PCNX3: variants seen among roughly 807,000 people sequenced by gnomAD.
PCNX3 encodes pecanex-like protein 3.
A neutral mutation model predicts 207.2 loss-of-function variants in PCNX3; 58 were observed. The observed-to-expected ratio is 0.28, with a 90% CI of 0.23 to 0.35. The LOEUF (loss-of-function observed/expected upper bound fraction) is 0.35. Among genes scored for constraint, PCNX3 ranks in the 10% least tolerant of loss-of-function variants. The pLI, the probability that PCNX3 is intolerant of heterozygous loss-of-function variation, is 1.00. For synonymous variants in PCNX3, 1,337 were observed against 1,183.5 expected (o/e 1.13, Z -2.66); for missense variants, 2,410 against 2,774.4 (o/e 0.87, Z 2.95).
At position 65,634,573 on chromosome 11, in the gene PCNX3, G is replaced by T; in HGVS notation, c.4737G>T (p.Thr1579=). 2 of 1,604,210 alleles carry T rather than the reference G, an allele frequency of 1.2e-6. No individual in the cohort carries two copies. Among genetic ancestry groups the T allele is most frequent in the South Asian group, 1.1e-5 (1 of 89,702 alleles). ...VDQDWNSPLV[T]LCFGLCVLGR... is the part of the protein sequence containing the mutation. ...AGGATTGGAACTCCCCGCTGGTCAC[G>T]CTGTGTTTTGGCCTGTGTGTGCTGG... Residue 1579 remains threonine, a synonymous_variant, in exon 29 of 35, where the codon ACG becomes ACT. Transcript: ENST00000355703.
Position 65,636,821 on chromosome 11 carries a change from C to G in PCNX3, c.5948C>G (p.Thr1983Ser). The change falls in exon 35 of 35, where the codon ACT becomes AGT. Residue 1983 changes from threonine to serine, a missense_variant. By Grantham distance (58) the Thr-to-Ser change is moderately conservative. Coordinates refer to ENST00000355703, the MANE Select transcript of PCNX3 (RefSeq NM_032223.4). ...CTCAGCCTCAGCCCCGATGTCAGCA[C>G]TGAGGCCTCACCCCCCAGAGCTTCC... ...LSLSLSPDVS[T>S]EASPPRASQD... The G allele has an allele frequency of 6.4e-7, 1 of 1,551,074 alleles. No individual in the cohort carries two copies. The highest frequency in any genetic ancestry group is 8.7e-7 in the Non-Finnish European group (1 of 1,146,964).
Position 65,629,345 on chromosome 11 carries a change from C to CT in PCNX3, c.3942-11dup. 1 of 1,608,552 alleles carries CT rather than the reference C, an allele frequency of 6.2e-7. No individual in the cohort carries two copies. The highest frequency in any genetic ancestry group is 8.5e-7 in the Non-Finnish European group (1 of 1,177,312). ...TCTTGGCCAACCGCCTTGTTGCACT[C>CT]TCTCTGAACAGCACTAAACGTGTGG... On this transcript the variant is annotated splice_polypyrimidine_tract_variant and intron_variant, in intron 24 of 34. Transcript: ENST00000355703.
chr11:65,627,322 G>T, intron 21 of PCNX3, 83 bp from the exon 22 acceptor site: 1 of 1,450,098 alleles, frequency 6.9e-7, no homozygotes, highest in Non-Finnish European at 9.2e-7. Context: ...TTGCTCTCCG[G>T]CCAGAGTAGG....
chr11:65,619,550 T>G lies in PCNX3; in HGVS notation c.1719T>G (p.Thr573=). The change falls in exon 7 of 35, where the codon ACT becomes ACG. Residue 573 remains threonine, a synonymous_variant. Transcript: ENST00000355703. ...EGAVGGAAEE[T]GRRDRSSSVR... is the part of the protein sequence containing the mutation. ...CTCTCTGGGCAGCGGCCGAGGAGAC[T>G]GGCAGGCGGGACCGCTCAAGCAGTG... is the stretch of plus-strand genomic sequence containing the variant. 6.2e-7 allele frequency: 1 copy of G among 1,611,510 alleles called. No individual in the cohort carries two copies. Among genetic ancestry groups the G allele is most frequent in the Non-Finnish European group, 8.5e-7 (1 of 1,179,642 alleles).
chr11:65,628,499 G>T, intron 22 of PCNX3, 96 bp from the exon 23 acceptor site: 1 of 1,213,102 alleles, frequency 8.2e-7, no homozygotes, highest in East Asian at 2.5e-5. Context: ...GGCCAAGCCA[G>T]TGCGATGACC....
intron 4 of PCNX3, 22 bp from the exon 5 acceptor site, chr11:65,617,589 A>G: frequency 1.2e-6 from 2 of 1,612,810 alleles, no homozygotes; most frequent in Non-Finnish European, 1.7e-6. Flanking sequence ...TCCTGCTGAC[A>G]CCTCTGGGGC....
chr11:65,625,349 G>C lies in PCNX3; in HGVS notation c.3030-56G>C. 2.5e-6 allele frequency: 4 copies of C among 1,594,126 alleles called. No homozygotes were observed. The highest frequency in any genetic ancestry group is 3.4e-6 in the Non-Finnish European group (4 of 1,171,572). On this transcript the variant is annotated intron_variant, in intron 17 of 34. Transcript: ENST00000355703. The surrounding 1 kb of genome is among the most constrained non-coding windows in gnomAD (Gnocchi z 5.6). ...GTTTGTGGTCTGTGCATGTGCCCGT[G>C]ACTGGGGCCGGGGGGAAGGAGGGGC...
rs771452109 is a variant in PCNX3, at chr11:65,618,265, C to T, written c.903C>T (p.Cys301=). The T allele has an allele frequency of 1.9e-6, 3 of 1,610,218 alleles. No homozygotes were observed. In the East Asian group the frequency reaches 6.7e-5, roughly 36 times the overall value. ...TPQKAGSSDS[C]FSGTDRETLS... is the part of the protein sequence containing the mutation. ...AGAAAGCCGGCTCCTCAGACTCCTG[C>T]TTCAGCGGCACTGACAGGGAGACAT... Residue 301 remains cysteine, a synonymous_variant, in exon 6 of 35, where the codon TGC becomes TGT. Transcript: ENST00000355703.
chr11:65,633,583 G>C (rs901879272), intron 27 of PCNX3, among the ~76,000 whole-genome samples: 21 of 152,232 alleles, frequency 1.4e-4, no homozygotes, highest in African/African-American at 4.8e-4. Flanking sequence ...CCGCGCTCGG[G>C]GTTATGTTTG....
chr11:65,622,612 T>A (rs142788192), intron 11 of PCNX3, among the ~76,000 whole-genome samples: 1 of 152,308 alleles, frequency 6.6e-6, no homozygotes, highest in East Asian at 1.9e-4. Flanking sequence ...AAAACTTTTT[T>A]TGAGACGGAG....
Position 65,630,603 on chromosome 11 carries a change from A to G in PCNX3, c.4469A>G (p.Lys1490Arg), listed in dbSNP as rs1422935055. The G allele has an allele frequency of 6.2e-7, 1 of 1,605,920 alleles. No individual in the cohort carries two copies. The change falls in exon 27 of 35, where the codon AAG (lysine) becomes AGG (arginine). Residue 1490 changes from lysine to arginine, a missense_variant and splice_region_variant. Transcript: ENST00000355703. ...AAGATCCTCATCACCTACTATGTCAAGGTACGGTGGGCAGGTGTGGCCGGG... is the reference window on the plus strand; with the variant it reads ...AAGATCCTCATCACCTACTATGTCAGGGTACGGTGGGCAGGTGTGGCCGGG... ...LRKILITYYV[K>R]SIIYYVSRSP...
intron 27 of PCNX3, 136 bp from the exon 28 acceptor site, chr11:65,633,990 A>G: frequency 1.2e-6 from 1 of 811,180 alleles, no homozygotes; most frequent in South Asian, 1.8e-5. Context: ...TTGAGAGCTG[A>G]GATGGCTCTA....
In PCNX3 at chr11:65,623,524, G is replaced by A. The variant is rs1459351284; in HGVS notation, c.2391G>A (p.Val797=). ...GAGTGCTGGAGAACATCTTCGGCGT[G>A]GGCCTGAGCAGCCTTGTGGCCTTCC... is the stretch of plus-strand genomic sequence containing the variant. ...TRGVLENIFG[V]GLSSLVAFLG... Residue 797 remains valine, a synonymous_variant, in exon 12 of 35, where the codon GTG becomes GTA. Coordinates refer to ENST00000355703, the MANE Select transcript of PCNX3 (RefSeq NM_032223.4). 2 of 1,613,178 alleles carry A rather than the reference G, an allele frequency of 1.2e-6. No homozygotes were observed. Among genetic ancestry groups the A allele is most frequent in the Non-Finnish European group, 1.7e-6 (2 of 1,179,500 alleles).
Position 65,636,669 on chromosome 11 carries a change from G to A in PCNX3, c.5872G>A (p.Gly1958Arg), listed in dbSNP as rs1167108023. Reference protein sequence around the residue: ...DGEPASGSPKGGTPKSQAPLD... With the variant: ...DGEPASGSPKRGTPKSQAPLD... ...GGAGCCAGCCTCAGGGAGCCCCAAA[G>A]GAGGTACCCCCAAATCTCAGGTAAG... Residue 1958 changes from glycine to arginine, a missense_variant, in exon 34 of 35, where the codon GGA becomes AGA. Coordinates refer to ENST00000355703, the MANE Select transcript of PCNX3 (RefSeq NM_032223.4). 17 of 1,584,768 alleles carry A rather than the reference G, an allele frequency of 1.1e-5. No homozygotes were observed. The highest frequency in any genetic ancestry group is 5.7e-5 in the South Asian group (5 of 87,200).
chr11:65,617,340 C>T lies in PCNX3; in HGVS notation c.432C>T (p.Asn144=), dbSNP rs573323627. ...CCCAGCACTCTGTGTTTGGCTTCAA[C>T]CAGGTCTCGGTGAGTGGGCCTGGAC... ...CSSQHSVFGF[N]QVSELLPRME... is the part of the protein sequence containing the mutation. Residue 144 remains asparagine (N), a synonymous_variant, in exon 3 of 35, where the codon AAC becomes AAT. Coordinates refer to ENST00000355703, the MANE Select transcript of PCNX3 (RefSeq NM_032223.4). 6.2e-6 allele frequency: 10 copies of T among 1,613,250 alleles called. No homozygotes were observed. In the Admixed American group the frequency reaches 1.3e-4, roughly 22 times the overall value.
At position 65,637,294 on chromosome 11, in the gene PCNX3, G is replaced by A; in HGVS notation, c.*316G>A. The A allele has an allele frequency of 2.8e-6, 1 of 357,584 alleles. No homozygotes were observed. The highest frequency in any genetic ancestry group is 5.1e-6 in the Non-Finnish European group (1 of 195,950). The allele number at this position is 357,584 out of a possible 1,614,324, so 22.2% of individuals were successfully genotyped here. On this transcript the variant is annotated 3_prime_UTR_variant, in exon 35 of 35. Transcript: ENST00000355703. Reference sequence around the variant, plus strand: ...CCACCTCAGCCCCTGGGCCTGCACTGCCTGCAGGTGTGGCCCCCTTGGCCT... The same window carrying A: ...CCACCTCAGCCCCTGGGCCTGCACTACCTGCAGGTGTGGCCCCCTTGGCCT...
At chr11:65,616,731 G>A (rs1854751193) in intron 1 of PCNX3, 93 bp from the exon 2 acceptor site, 3 of 1,397,024 alleles carry the variant, frequency 2.1e-6, no homozygotes, top group Non-Finnish European at 2.9e-6. Flanking sequence ...ATTTTCTTGT[G>A]AGTCTGTGAA....
rs759005905 is a variant in PCNX3 at position 65,636,486 on chromosome 11, T to C, written c.5689T>C (p.Trp1897Arg). 3 of 1,572,790 alleles carry C rather than the reference T, an allele frequency of 1.9e-6. No homozygotes were observed. Among genetic ancestry groups the C allele is most frequent in the African/African-American group, 2.7e-5 (2 of 72,924 alleles). The change falls in exon 34 of 35, where the codon TGG becomes CGG. Residue 1897 changes from tryptophan to arginine, a missense_variant. By Grantham distance (101) the Trp-to-Arg change is moderately radical. Transcript: ENST00000355703. ...TGGGCGGCCCCCACCTCTGCTGCAG[T>C]GGCCTCCCCCTCGGCTCCCTGGACC... ...GDGRPPPLLQ[W>R]PPPRLPGPPP...
intron 32 of PCNX3, among the ~76,000 whole-genome samples, 158 bp from the exon 33 acceptor site, chr11:65,636,016 C>T (rs1319608455): frequency 6.6e-6 from 1 of 152,132 alleles, no homozygotes; most frequent in Non-Finnish European, 1.5e-5. Context: ...AACGCACCCT[C>T]AAAAGACTCT....
Sources: gnomAD v4.1 joint callset for allele counts (sites outside exome capture counted in the v4.1 genomes callset) on GRCh38, gnomAD v4.1.1 for gene constraint, Gnocchi (gnomAD v3.1) non-coding constraint, MANE v1.5 for transcripts, NCBI Gene and HGNC (gene_info 2026-07-23, HGNC 2026-07-21) for gene names.